Variants in CPD observed in about 807,000 individuals in gnomAD.
CPD encodes the protein carboxypeptidase D, also known as metallocarboxypeptidase D.
In CPD, 69 loss-of-function variants were observed where a neutral mutation model predicts 138.3. That is an observed-to-expected ratio of 0.50 (90% CI 0.41 to 0.61). The LOEUF is 0.61. CPD is among the 20% of genes least tolerant of loss of function. The probability of loss-of-function intolerance (pLI) is 0.00; values close to 1 mark genes in which losing one functional copy is unlikely to be tolerated. For missense variants in CPD, 1,432 were observed against 1,733.3 expected, an observed-to-expected ratio of 0.83 and a Z score of 3.09; for synonymous variants, 651 against 642.1, an observed-to-expected ratio of 1.01 and a Z score of -0.21.
intron 6 of CPD, among the ~76,000 whole-genome samples, chr17:30,426,165 A>G (rs560436569): frequency 1.6e-3 from 235 of 142,426 alleles, no homozygotes; most frequent in African/African-American, 6.0e-3. Context: ...GTGCCATTGC[A>G]CTCCAGCCTG....
chr17:30,458,203 G>C (rs192703852), intron 17 of CPD, among the ~76,000 whole-genome samples: 41 of 152,048 alleles, frequency 2.7e-4, no homozygotes, highest in African/African-American at 9.4e-4. Context: ...TCAAAAAAAC[G>C]AATAAACAAA....
chr17:30,427,823 T>C (rs1912461420), intron 7 of CPD, among the ~76,000 whole-genome samples: 1 of 150,846 alleles, frequency 6.6e-6, no homozygotes, highest in Non-Finnish European at 1.5e-5. Context: ...TCTCCTCTCT[T>C]TTCTCACCTA....
At chr17:30,394,493 A>G (rs968417641) in intron 2 of CPD, among the ~76,000 whole-genome samples, 8 of 152,160 alleles carry the variant, frequency 5.3e-5, no homozygotes, top group African/African-American at 1.9e-4. Context: ...TGTTGTTAAT[A>G]GTTTTTTTGT....
chr17:30,392,669 T>G (rs1911391963), intron 2 of CPD, among the ~76,000 whole-genome samples: 1 of 152,240 alleles, frequency 6.6e-6, no homozygotes, highest in Non-Finnish European at 1.5e-5. Flanking sequence ...CTATTCTTGA[T>G]CACCCTGTGG....
intron 2 of CPD, among the ~76,000 whole-genome samples, chr17:30,398,834 A>T (rs985698373): frequency 2.0e-5 from 3 of 151,012 alleles, no homozygotes; most frequent in Middle Eastern, 3.4e-3. Flanking sequence ...TTTAAAAATA[A>T]TTTTAAAAAT....
chr17:30,461,793 T>A (rs1913482439), intron 18 of CPD, 84 bp from the exon 19 acceptor site: 1 of 1,068,846 alleles, frequency 9.4e-7, no homozygotes, highest in Non-Finnish European at 1.3e-6. Context: ...TTTGTTTGGT[T>A]GGTTTTGGTC....
At chr17:30,409,102 T>A (rs1911887901) in intron 2 of CPD, among the ~76,000 whole-genome samples, 1 of 134,580 alleles carries the variant, frequency 7.4e-6, no homozygotes, top group African/African-American at 2.9e-5. Context: ...TTTCAGTATC[T>A]ATTGAGATAA....
chr17:30,418,321 C>T (rs1009697328), intron 2 of CPD, among the ~76,000 whole-genome samples: 1 of 152,082 alleles, frequency 6.6e-6, no homozygotes, highest in Non-Finnish European at 1.5e-5. Flanking sequence ...GCTATGATGA[C>T]AGGCATGTGC....
Position 30,385,013 on chromosome 17 carries a change from T to A in CPD, c.771T>A (p.His257Gln). 6.2e-7 allele frequency: 1 copy of A among 1,614,042 alleles called. No individual in the cohort carries two copies. Among genetic ancestry groups the A allele is most frequent in the Non-Finnish European group, 8.5e-7 (1 of 1,179,914 alleles). ...RNKFVLSGNL[H>Q]GGSVVASYPF... ...GGTTTGTGCTTTCTGGAAATCTGCA[T>A]GGTGGCTCAGTGGTAGCAAGCTATC... The change falls in exon 2 of 21, where the codon CAT becomes CAA. Residue 257 changes from histidine to glutamine, a missense_variant. By Grantham distance (24) the His-to-Gln change is conservative (BLOSUM62 0). Around this residue, in one of 6 missense-constraint regions of CPD, gnomAD observed 484 missense variants for 477.2 expected, o/e 1.01. Transcript: ENST00000225719.
intron 17 of CPD, among the ~76,000 whole-genome samples, chr17:30,458,263 A>G (rs1008744296): frequency 6.6e-6 from 1 of 152,200 alleles, no homozygotes; most frequent in Non-Finnish European, 1.5e-5. Flanking sequence ...TTCTTATCAG[A>G]TACATGATTT....
At chr17:30,419,239 T>C (rs574507200) in intron 2 of CPD, among the ~76,000 whole-genome samples, 1 of 152,336 alleles carries the variant, frequency 6.6e-6, no homozygotes, top group African/African-American at 2.4e-5. Flanking sequence ...TAATAAGCTG[T>C]GCTTAAAACT....
chr17:30,421,266 T>A lies in CPD; in HGVS notation c.1137+283T>A, dbSNP rs774797048. On this transcript the variant is annotated intron_variant, in intron 3 of 20. Coordinates refer to ENST00000225719, the MANE Select transcript of CPD (RefSeq NM_001304.5). Reference sequence around the variant, plus strand: ...AAACTGAAATAATTAGCCAAATTTGTACTCTCAGGTTCTTACAATGTCATG... The same window carrying A: ...AAACTGAAATAATTAGCCAAATTTGAACTCTCAGGTTCTTACAATGTCATG... Among the ~76,000 whole-genome samples the A allele has an allele frequency of 2.6e-4, 39 of 152,298 alleles. 1 individual carries two copies. Among genetic ancestry groups the A allele is most frequent in the Middle Eastern group, 3.4e-3 (1 of 294 alleles).
intron 12 of CPD, among the ~76,000 whole-genome samples, chr17:30,447,202 G>T (rs546191661): frequency 1.5e-3 from 229 of 152,220 alleles, no homozygotes; most frequent in African/African-American, 5.4e-3. Context: ...TGTCAATTTT[G>T]GCTTTTGTTG....
rs146805863 is a variant in CPD, at chr17:30,469,647, G to C, written c.*4833G>C. 6.6e-6 allele frequency: 1 copy of C among 152,044 alleles called. No homozygotes were observed. The highest frequency in any genetic ancestry group is 1.5e-5 in the Non-Finnish European group (1 of 67,960). The allele number at this position is 152,044 out of a possible 1,614,324, so 9.4% of individuals were successfully genotyped here. A position where few individuals can be genotyped will look rare whatever the true frequency, so the allele number is the denominator to read the frequency against. On this transcript the variant is annotated 3_prime_UTR_variant, in exon 21 of 21. Transcript: ENST00000225719. ...AAATTCTGAGACACAAATAAAAAAA[G>C]AAATTTTTTATTATGTGGTTCAATA...
intron 11 of CPD, chr17:30,444,254 C>G (rs949516423): frequency 4.1e-6 from 1 of 242,650 alleles, no homozygotes; most frequent in African/African-American, 2.2e-5. Flanking sequence ...TTAGAATACA[C>G]ATCAAATCCT....
intron 2 of CPD, among the ~76,000 whole-genome samples, chr17:30,412,541 G>T (rs1207819288): frequency 6.6e-6 from 1 of 152,124 alleles, no homozygotes; most frequent in African/African-American, 2.4e-5. Context: ...TGCCTAGTTC[G>T]AGCTTCCCAG....
chr17:30,437,325 A>G (rs1486043355), intron 8 of CPD, among the ~76,000 whole-genome samples: 1 of 152,106 alleles, frequency 6.6e-6, no homozygotes, highest in Non-Finnish European at 1.5e-5. Flanking sequence ...TTGAAAACCT[A>G]AAGAAGACTG....
rs1261626884 is a variant in CPD, at chr17:30,394,104, C to T, written c.994+8868C>T. Among the ~76,000 whole-genome samples, 4 of 134,736 alleles carry T rather than the reference C, an allele frequency of 3.0e-5. No individual in the cohort carries two copies. The East Asian group carries it at 9.3e-4, about 31-fold the overall frequency. 88.4% of individuals were successfully genotyped at this position (134,736 alleles called of 152,430 possible). The stretch of plus-strand genomic sequence containing the variant: ...GCTGCAGTGAGCTATGATTGCACCA[C>T]TGCACTCCAGCCTTTTTTTTTTTTT... On this transcript the variant is annotated intron_variant, in intron 2 of 20. Coordinates refer to ENST00000225719, the MANE Select transcript of CPD (RefSeq NM_001304.5).
chr17:30,399,546 C>T (rs893406138), intron 2 of CPD, among the ~76,000 whole-genome samples: 4 of 152,048 alleles, frequency 2.6e-5, no homozygotes, highest in East Asian at 1.9e-4. Flanking sequence ...ACACTTTTAT[C>T]GTTATGTAAT....
Sources: allele counts gnomAD v4.1 joint callset (sites outside exome capture counted in the v4.1 genomes callset), GRCh38; gene constraint gnomAD v4.1.1; regional missense constraint gnomAD v4.1.1; transcripts MANE v1.5; gene names NCBI Gene and HGNC (gene_info 2026-07-23, HGNC 2026-07-21).